The following MGAM variants were observed in gnomAD, a reference collection of about 807,000 sequenced individuals.
The protein encoded by MGAM is maltase-glucoamylase.
In MGAM, 253 loss-of-function variants were observed where a neutral mutation model predicts 358.8. That is an observed-to-expected ratio of 0.71 (90% confidence interval 0.64 to 0.78). The LOEUF (loss-of-function observed/expected upper bound fraction) is 0.78, where lower values mean the gene tolerates loss of function less well. Ranked by LOEUF, MGAM falls within the 30% of genes least tolerant of loss-of-function variation. The probability of loss-of-function intolerance (pLI) is 0.00; values close to 1 mark genes in which losing one functional copy is unlikely to be tolerated. For synonymous variants in MGAM, 1,105 were observed against 1,227.1 expected, an observed-to-expected ratio of 0.90 and a Z score of 2.08; for missense variants, 3,080 against 3,432.6, an observed-to-expected ratio of 0.90 and a Z score of 2.57.
chr7:142,025,031 T>C lies in MGAM; in HGVS notation c.883-19T>C, dbSNP rs1806814450. 6.2e-7 allele frequency: 1 copy of C among 1,606,910 alleles called. No individual in the cohort carries two copies. Among genetic ancestry groups the C allele is most frequent in the Non-Finnish European group, 8.5e-7 (1 of 1,174,346 alleles). On this transcript the variant is annotated intron_variant, in intron 7 of 70. Coordinates refer to ENST00000475668, the MANE Select transcript of MGAM (RefSeq NM_001365693.1). ...GACTTCTTAGTTGTAAATTTTGGTT[T>C]TTAATTCTCTTTCTGCAGAACGGAA...
At chr7:142,077,834 C>T (rs1563201128) in intron 47 of MGAM, among the ~76,000 whole-genome samples, 5 of 145,314 alleles carry the variant, frequency 3.4e-5, no homozygotes, top group East Asian at 2.0e-4. Flanking sequence ...TACATAAATG[C>T]GAGCATGATA....
At chr7:142,028,780 G>C (rs1469288266) in intron 10 of MGAM, among the ~76,000 whole-genome samples, 1 of 152,096 alleles carries the variant, frequency 6.6e-6, no homozygotes, top group East Asian at 1.9e-4. Context: ...GAGGAGATGG[G>C]GGAAGCAGAA....
At chr7:142,060,426 G>A in intron 34 of MGAM, 53 bp downstream of exon 34, 1 of 1,587,948 alleles carries the variant, frequency 6.3e-7, no homozygotes, top group Non-Finnish European at 8.6e-7. Context: ...GGCAGGGGCA[G>A]CTGTTCCTGG....
chr7:142,047,104 A>G lies in MGAM; in HGVS notation c.2499-681A>G, dbSNP rs550972220. On this transcript the variant is annotated intron_variant, in intron 21 of 70. Transcript: ENST00000475668. The stretch of plus-strand genomic sequence containing the variant: ...GTGACAGAGGAGAAACAAGAAGAGC[A>G]GGAAACTGGGAGGTTGCTTAGAGCA... Among the ~76,000 whole-genome samples, 5 of 152,306 alleles carry G rather than the reference A, an allele frequency of 3.3e-5. No individual in the cohort carries two copies. The South Asian group carries it at 1.0e-3, about 32-fold the overall frequency.
At chr7:142,104,302 G>A (rs1816672330) in intron 70 of MGAM, among the ~76,000 whole-genome samples, 1 of 152,110 alleles carries the variant, frequency 6.6e-6, no homozygotes, top group Admixed American at 6.5e-5. Flanking sequence ...ATTTAAAAGA[G>A]GTAGACCCTA....
At chr7:142,067,980 A>T (rs2960750) in intron 42 of MGAM, among the ~76,000 whole-genome samples, 7 of 5,196 alleles carry the variant, frequency 1.3e-3, no homozygotes, top group Non-Finnish European at 1.6e-3. Context: ...ATATATATAT[A>T]TATATATTTT....
chr7:142,065,854 C>T lies in MGAM; in HGVS notation c.4770+23C>T, dbSNP rs770866685. Reference sequence around the variant, plus strand: ...AGGGTAGGACAGTGGCTTCTACCTCCACTGTTTTATGTCACTTGAAAGACA... The same window carrying T: ...AGGGTAGGACAGTGGCTTCTACCTCTACTGTTTTATGTCACTTGAAAGACA... On this transcript the variant is annotated intron_variant, in intron 40 of 70. Transcript: ENST00000475668. 38 of 1,472,012 alleles carry T rather than the reference C, an allele frequency of 2.6e-5. 7 individuals are homozygous for T. The highest frequency in any genetic ancestry group is 3.0e-5 in the Non-Finnish European group (32 of 1,058,210). 91.2% of individuals were successfully genotyped at this position (1,472,012 alleles called of 1,614,324 possible).
chr7:142,022,474 T>G (rs782667389), intron 7 of MGAM, 35 bp downstream of exon 7: 1 of 1,591,968 alleles, frequency 6.3e-7, no homozygotes, highest in South Asian at 1.1e-5. Flanking sequence ...CCACTGAATA[T>G]CATAGTCTCA....
intron 24 of MGAM, among the ~76,000 whole-genome samples, chr7:142,051,927 C>T (rs1269936650): frequency 6.6e-6 from 1 of 152,084 alleles, no homozygotes; most frequent in African/African-American, 2.4e-5. Flanking sequence ...ATGGGTGATA[C>T]TGGTTTGGGC....
chr7:142,038,954 T>C lies in MGAM; in HGVS notation c.2316+339T>C, dbSNP rs888124468. On this transcript the variant is annotated intron_variant, in intron 19 of 70. Coordinates refer to ENST00000475668, the MANE Select transcript of MGAM (RefSeq NM_001365693.1). ...AAGAGATTTCATTGGCTCACAGTTC[T>C]GAAAGCTTTACAAGAAGCATGATGC... 3.3e-5 allele frequency among the ~76,000 whole-genome samples: 5 copies of C among 152,144 alleles called. No individual in the cohort carries two copies. In the East Asian group the frequency reaches 7.7e-4, roughly 23 times the overall value.
intron 3 of MGAM, among the ~76,000 whole-genome samples, chr7:142,014,908 A>G (rs539826425): frequency 2.5e-4 from 38 of 152,220 alleles, no homozygotes; most frequent in African/African-American, 8.7e-4. Flanking sequence ...TATTGAAGTT[A>G]CATCAGTCCC....
intron 48 of MGAM, 62 bp from the exon 49 acceptor site, chr7:142,078,746 T>G (rs1453903799): frequency 1.4e-6 from 2 of 1,429,550 alleles, no homozygotes; most frequent in Non-Finnish European, 2.0e-6. Context: ...TAACCCTGTT[T>G]AGGTTAGAGA....
At chr7:142,103,466 G>A (rs1457055035) in intron 70 of MGAM, 27 bp downstream of exon 70, 3 of 1,564,346 alleles carry the variant, frequency 1.9e-6, no homozygotes, top group Non-Finnish European at 2.6e-6. Context: ...AAGTGCGAAT[G>A]GTATTCTCCA....
At chr7:141,998,196 G>GA (rs1804426359) in intron 1 of MGAM, among the ~76,000 whole-genome samples, 2 of 152,124 alleles carry the variant, frequency 1.3e-5, no homozygotes, top group African/African-American at 4.8e-5. Flanking sequence ...AATTCAAGAA[G>GA]AAAAAAATTC....
intron 22 of MGAM, among the ~76,000 whole-genome samples, chr7:142,049,769 G>A (rs1810762859): frequency 6.6e-6 from 1 of 152,160 alleles, no homozygotes; most frequent in Non-Finnish European, 1.5e-5. Context: ...ACACCTGTTA[G>A]CATGGAAATA....
intron 10 of MGAM, among the ~76,000 whole-genome samples, chr7:142,029,987 T>C (rs1282213054): frequency 6.6e-6 from 1 of 152,208 alleles, no homozygotes; most frequent in African/African-American, 2.4e-5. Flanking sequence ...AGAGAGACAG[T>C]CTCTTCCCTT....
chr7:142,031,344 A>T (rs1554463709), intron 12 of MGAM, among the ~76,000 whole-genome samples: 1 of 152,196 alleles, frequency 6.6e-6, no homozygotes, highest in Admixed American at 6.5e-5. Context: ...CTTATAGTGG[A>T]CTAGCTGAAA....
intron 21 of MGAM, among the ~76,000 whole-genome samples, chr7:142,045,427 A>G (rs1380692192): frequency 1.8e-5 from 2 of 111,418 alleles, no homozygotes; most frequent in South Asian, 2.6e-4. Context: ...TACCTATAAT[A>G]CATGATATAT....
chr7:142,100,824 A>C lies in MGAM; in HGVS notation c.7897A>C (p.Lys2633Gln). 8 of 1,612,792 alleles carry C rather than the reference A, an allele frequency of 5.0e-6. No homozygotes were observed. Among genetic ancestry groups the C allele is most frequent in the Non-Finnish European group, 6.8e-6 (8 of 1,179,484 alleles). The change falls in exon 68 of 71, where the codon AAA becomes CAA. Residue 2633 changes from lysine (K) to glutamine (Q), a missense_variant. Transcript: ENST00000475668. ...HLSRQKFMGF[K>Q]IALDDEGTAG... ...CAGCCGCCAGAAATTCATGGGCTTC[A>C]AAATTGCCTTGGATGATGAAGGAAC...
Sources: allele counts gnomAD v4.1 joint callset (sites outside exome capture counted in the v4.1 genomes callset), GRCh38; gene constraint gnomAD v4.1.1; transcripts MANE v1.5; gene names NCBI Gene and HGNC (gene_info 2026-07-23, HGNC 2026-07-21).